The following JPH3 variants were observed in gnomAD, a reference collection of about 807,000 sequenced individuals.
The protein encoded by JPH3 is junctophilin-3.
In JPH3, 11 loss-of-function variants were observed where a neutral mutation model predicts 59.6. The ratio of observed to expected loss-of-function variants is 0.18; its 90% CI spans 0.12 to 0.31. The LOEUF is 0.31. Among genes scored for constraint, JPH3 ranks in the 10% least tolerant of loss-of-function variants. JPH3 has a pLI of 1.00. For missense variants in JPH3, 1,202 were observed against 1,105.7 expected (o/e 1.09, Z -1.24); for synonymous variants, 673 against 483.6 (o/e 1.39, Z -5.14).
chr16:87,618,724 C>T (rs1005038676), intron 1 of JPH3, among the ~76,000 whole-genome samples: 28 of 152,164 alleles, frequency 1.8e-4, no homozygotes, highest in African/African-American at 6.8e-4. Context: ...TGCTGAGTCT[C>T]TCTAGGTGCT....
chr16:87,660,043 A>T (rs141641534), intron 2 of JPH3, among the ~76,000 whole-genome samples: 2 of 150,764 alleles, frequency 1.3e-5, no homozygotes, highest in African/African-American at 2.4e-5. Context: ...CGGGGGTACC[A>T]AGCCCCAGCC....
At chr16:87,663,753 G>A (rs1397064052) in intron 2 of JPH3, among the ~76,000 whole-genome samples, 3 of 152,244 alleles carry the variant, frequency 2.0e-5, no homozygotes, top group East Asian at 1.9e-4. Context: ...CACCTCCCTC[G>A]GTAAACTTAC....
intron 4 of JPH3, among the ~76,000 whole-genome samples, chr16:87,692,932 GCTGA>G (rs1305747123): frequency 3.0e-4 from 45 of 152,344 alleles, no homozygotes; most frequent in African/African-American, 5.1e-4. Flanking sequence ...CCCACTACAG[GCTGA>G]CTAGCATCCG....
rs767240603 is a variant in JPH3, at chr16:87,690,151, C to T, written c.1791C>T (p.Gly597=). The T allele has an allele frequency of 1.9e-6, 3 of 1,597,998 alleles. No homozygotes were observed. The highest frequency in any genetic ancestry group is 1.7e-6 in the Non-Finnish European group (2 of 1,172,664). ...GGGCCAGCAACCACAGCCCCGGAGG[C>T]TCCAGGCTGCTGGAGCTGCAGGAGG... ...HHRASNHSPG[G]SRLLELQEEK... Residue 597 remains glycine (G), a synonymous_variant, in exon 4 of 5, where the codon GGC becomes GGT. Transcript: ENST00000284262.
Position 87,603,136 on chromosome 16 carries a change from G to C in JPH3, c.-11G>C. On this transcript the variant is annotated 5_prime_UTR_variant, in exon 1 of 5. Coordinates refer to ENST00000284262, the MANE Select transcript of JPH3 (RefSeq NM_020655.4). ...TTCACCGTTTGCGGGATCTGGAACC[G>C]AGTTACATGCATGTCCAGTGGGGGC... The C allele has an allele frequency of 6.2e-7, 1 of 1,613,852 alleles. No individual in the cohort carries two copies. The highest frequency in any genetic ancestry group is 8.5e-7 in the Non-Finnish European group (1 of 1,179,894).
chr16:87,604,305 G>GCTGCTA (rs1425900943), intron 1 of JPH3: 1 of 1,461,724 alleles, frequency 6.8e-7, no homozygotes. Flanking sequence ...TGCTGCTGCT[G>GCTGCTA]CTGCTGCTGC....
chr16:87,691,943 C>G (rs1358360490), intron 4 of JPH3, among the ~76,000 whole-genome samples: 1 of 152,106 alleles, frequency 6.6e-6, no homozygotes, highest in Non-Finnish European at 1.5e-5. Context: ...AATGCACTGA[C>G]ACTTTTGGGT....
In JPH3 at chr16:87,611,744, C is replaced by T. The variant is rs1442962517; in HGVS notation, c.382+8216C>T. 6.6e-6 allele frequency among the ~76,000 whole-genome samples: 1 copy of T among 152,150 alleles called. No homozygotes were observed. The highest frequency in any genetic ancestry group is 1.5e-5 in the Non-Finnish European group (1 of 68,024). ...CCAGCCCCACCCCTGAGTCTCTGGGCCTGGGATGCCACCCAAGAATTTATA... is the reference window on the plus strand; with the variant it reads ...CCAGCCCCACCCCTGAGTCTCTGGGTCTGGGATGCCACCCAAGAATTTATA... On this transcript the variant is annotated intron_variant, in intron 1 of 4. Transcript: ENST00000284262. The surrounding 1 kb of genome is among the most constrained non-coding windows in gnomAD (Gnocchi z 4.5).
At chr16:87,685,202 C>T (rs538374059) in intron 3 of JPH3, among the ~76,000 whole-genome samples, 7 of 152,332 alleles carry the variant, frequency 4.6e-5, no homozygotes, top group South Asian at 2.1e-4. Context: ...GGTGACCGTC[C>T]GCCACCACTC....
intron 1 of JPH3, among the ~76,000 whole-genome samples, chr16:87,641,029 C>T (rs968998820): frequency 6.6e-6 from 1 of 152,246 alleles, no homozygotes. Context: ...GTGGAGCAAG[C>T]CACAGGGTTT....
intron 4 of JPH3, chr16:87,695,806 C>T: frequency 2.2e-6 from 1 of 456,062 alleles, no homozygotes; most frequent in South Asian, 1.5e-5. Flanking sequence ...CCGGAAAAGG[C>T]TCTGTTGTGA....
At chr16:87,636,050 A>T in intron 1 of JPH3, among the ~76,000 whole-genome samples, 1 of 151,874 alleles carries the variant, frequency 6.6e-6, no homozygotes, top group Middle Eastern at 3.4e-3. Flanking sequence ...CGGCCCACAG[A>T]GATGGGCAGC....
chr16:87,679,913 A>G (rs1337510001), intron 2 of JPH3, among the ~76,000 whole-genome samples: 1 of 152,208 alleles, frequency 6.6e-6, no homozygotes, highest in Non-Finnish European at 1.5e-5. Context: ...AGCTTTCAGC[A>G]CAGCCCCCGC....
intron 2 of JPH3, among the ~76,000 whole-genome samples, chr16:87,658,405 T>C (rs1404773042): frequency 7.0e-6 from 1 of 142,904 alleles, no homozygotes; most frequent in Non-Finnish European, 1.5e-5. Context: ...CCTCCCTCTC[T>C]GTCCCTCCCT....
rs200361710 is a variant in JPH3 at position 87,684,144 on chromosome 16, C to T, written c.1163C>T (p.Thr388Ile). 5 of 1,613,384 alleles carry T rather than the reference C, an allele frequency of 3.1e-6. No homozygotes were observed. Among genetic ancestry groups the T allele is most frequent in the South Asian group, 2.2e-5 (2 of 91,048 alleles). Residue 388 changes from threonine to isoleucine, a missense_variant and splice_region_variant, in exon 3 of 5, where the codon ACC (threonine) becomes ATC (isoleucine). By Grantham distance (89) the Thr-to-Ile change is moderately conservative. Transcript: ENST00000284262. ...KQKAEIAASR[T>I]SHSRAKAEAA... ...ACGCTCCTCCCTGTCTCCCCCAGGA[C>T]CTCCCACTCTCGGGCAAAGGCCGAG... is the stretch of plus-strand genomic sequence containing the variant.
At chr16:87,650,805 G>C (rs569012900) in intron 2 of JPH3, among the ~76,000 whole-genome samples, 1 of 152,360 alleles carries the variant, frequency 6.6e-6, no homozygotes, top group East Asian at 1.9e-4. Context: ...ACGAGCAGAG[G>C]CTGGTTCATC....
At chr16:87,656,627 G>T (rs1274990787) in intron 2 of JPH3, among the ~76,000 whole-genome samples, 1 of 152,194 alleles carries the variant, frequency 6.6e-6, no homozygotes, top group Non-Finnish European at 1.5e-5. Flanking sequence ...GCCCTGGCTT[G>T]GGTTCAAGCC....
At chr16:87,630,175 C>T (rs1409251530) in intron 1 of JPH3, among the ~76,000 whole-genome samples, 1 of 152,186 alleles carries the variant, frequency 6.6e-6, no homozygotes, top group African/African-American at 2.4e-5. Context: ...AGGCACTGGC[C>T]TTCCGAATCC....
At chr16:87,613,389 C>T (rs2030810788) in intron 1 of JPH3, among the ~76,000 whole-genome samples, 2 of 151,990 alleles carry the variant, frequency 1.3e-5, no homozygotes, top group African/African-American at 4.8e-5. Flanking sequence ...AGCGTGAACT[C>T]AGCTCACTGC....
Sources: gnomAD v4.1 joint callset for allele counts (sites outside exome capture counted in the v4.1 genomes callset) on GRCh38, gnomAD v4.1.1 for gene constraint, Gnocchi (gnomAD v3.1) non-coding constraint, MANE v1.5 for transcripts, NCBI Gene and HGNC (gene_info 2026-07-23, HGNC 2026-07-21) for gene names.